The following PIK3C2B variants were observed in gnomAD, a reference collection of about 807,000 sequenced individuals.
PIK3C2B encodes the protein phosphatidylinositol-4-phosphate 3-kinase catalytic subunit type 2 beta.
In PIK3C2B, 83 loss-of-function variants were observed where a neutral mutation model predicts 184.3. The observed-to-expected ratio is 0.45, with a 90% CI of 0.38 to 0.54. The LOEUF is 0.54. Ranked by LOEUF, PIK3C2B falls within the 20% of genes least tolerant of loss-of-function variation. The pLI, the probability that PIK3C2B is intolerant of heterozygous loss-of-function variation, is 0.00. For missense variants in PIK3C2B, 1,736 were observed against 2,113.5 expected, an observed-to-expected ratio of 0.82 and a Z score of 3.50; for synonymous variants, 779 against 837.6, an observed-to-expected ratio of 0.93 and a Z score of 1.21.
chr1:204,451,411 G>A (rs1466291727), intron 12 of PIK3C2B, among the ~76,000 whole-genome samples: 1 of 152,082 alleles, frequency 6.6e-6, no homozygotes, highest in East Asian at 1.9e-4. Context: ...GGTATATCTG[G>A]TATTCCACAA....
At chr1:204,492,454 C>G (rs1334389999) in intron 1 of PIK3C2B, among the ~76,000 whole-genome samples, 1 of 152,144 alleles carries the variant, frequency 6.6e-6, no homozygotes, top group Non-Finnish European at 1.5e-5. Context: ...CTAAAAGGAA[C>G]AGAGACCTCA....
Position 204,444,399 on chromosome 1 carries a change from T to C in PIK3C2B, c.2704A>G (p.Met902Val). 2.5e-6 allele frequency: 4 copies of C among 1,613,804 alleles called. No homozygotes were observed. The highest frequency in any genetic ancestry group is 3.4e-6 in the Non-Finnish European group (4 of 1,179,910). Reference sequence around the variant, plus strand: ...AGTGAGCCAATCCACTGCACAGCCATACGACGCACCTCCTGGTCCGGGAAG... The same window carrying C: ...AGTGAGCCAATCCACTGCACAGCCACACGACGCACCTCCTGGTCCGGGAAG... ...ATFPDQEVRR[M>V]AVQWIGSLSD... Residue 902 changes from methionine to valine, a missense_variant, in exon 17 of 33, where the codon ATG becomes GTG. Transcript: ENST00000684373.
intron 31 of PIK3C2B, among the ~76,000 whole-genome samples, chr1:204,427,247 T>C (rs1330572092): frequency 6.6e-6 from 1 of 152,244 alleles, no homozygotes; most frequent in Non-Finnish European, 1.5e-5. Flanking sequence ...GGATGTCACG[T>C]GGCTGCTCAA....
At chr1:204,439,587 C>T (rs758557817) in intron 22 of PIK3C2B, among the ~76,000 whole-genome samples, 14 of 152,182 alleles carry the variant, frequency 9.2e-5, no homozygotes, top group Non-Finnish European at 1.8e-4. Flanking sequence ...TAATCTAACT[C>T]AATCTATATT....
intron 26 of PIK3C2B, among the ~76,000 whole-genome samples, chr1:204,432,902 A>C (rs1364254004): frequency 1.3e-5 from 2 of 152,234 alleles, no homozygotes; most frequent in African/African-American, 4.8e-5. Context: ...TTTCACACAC[A>C]GTGTACCTAA....
chr1:204,451,295 C>CA (rs1262233424), intron 12 of PIK3C2B, among the ~76,000 whole-genome samples: 2 of 152,218 alleles, frequency 1.3e-5, no homozygotes, highest in Non-Finnish European at 2.9e-5. Flanking sequence ...CCTTTCTTTT[C>CA]ACCCAAGGAA....
chr1:204,454,735 C>A lies in PIK3C2B; in HGVS notation c.2000G>T (p.Ser667Ile). 1 of 1,613,536 alleles carries A rather than the reference C, an allele frequency of 6.2e-7. No homozygotes were observed. The highest frequency in any genetic ancestry group is 8.5e-7 in the Non-Finnish European group (1 of 1,179,958). Residue 667 changes from serine (S) to isoleucine (I), a missense_variant, in exon 12 of 33, where the codon AGC becomes ATC. Around this residue, in one of 8 missense-constraint regions of PIK3C2B, gnomAD observed 609 missense variants for 699.2 expected, o/e 0.87. Transcript: ENST00000684373. ...GTGAGCTCTTCGGGTCTGCAGGGGG[C>A]TGCACAGCTCCTTGCCGCCATGGCT... The part of the protein sequence containing the change: ...SLSHGGKELC[S>I]PLQTRRAHFS...
At chr1:204,465,189 C>A in intron 3 of PIK3C2B, 30 bp downstream of exon 3, 1 of 1,180,980 alleles carries the variant, frequency 8.5e-7, no homozygotes, top group Non-Finnish European at 1.2e-6. Context: ...CATAGCCCTC[C>A]CAAATCCCAC....
rs61762611 is a variant in PIK3C2B, at chr1:204,450,849, G to A, written c.2067-832C>T. Among the ~76,000 whole-genome samples the A allele has an allele frequency of 4.1e-3, 619 of 152,294 alleles. 7 individuals carry two copies. The highest frequency in any genetic ancestry group is 0.014 in the African/African-American group (584 of 41,560). ...CTGTGGAAAGGCAGGGAGGACCCAC[G>A]TTACCTTTCGGGGAAGCTGTCCCTG... On this transcript the variant is annotated intron_variant, in intron 12 of 32. Coordinates refer to ENST00000684373, the MANE Select transcript of PIK3C2B (RefSeq NM_001377334.1).
chr1:204,461,355 G>A (rs765465940), intron 5 of PIK3C2B, among the ~76,000 whole-genome samples: 1 of 152,284 alleles, frequency 6.6e-6, no homozygotes, highest in East Asian at 1.9e-4. Context: ...AGCCCTCGGC[G>A]ATCCAACCTC....
intron 1 of PIK3C2B, chr1:204,489,781 C>G (rs2103541926): frequency 2.5e-6 from 1 of 397,000 alleles, no homozygotes; most frequent in Non-Finnish European, 4.4e-6. Flanking sequence ...CTGGGCTTTG[C>G]TTAGTTTATT....
chr1:204,448,214 A>G (rs1654038232), intron 14 of PIK3C2B, among the ~76,000 whole-genome samples: 2 of 151,962 alleles, frequency 1.3e-5, no homozygotes, highest in Non-Finnish European at 1.5e-5. Context: ...CCCCGGTTCA[A>G]GTGGTTCTCA....
At chr1:204,477,279 C>CA (rs894417859) in intron 1 of PIK3C2B, among the ~76,000 whole-genome samples, 2 of 152,180 alleles carry the variant, frequency 1.3e-5, no homozygotes, top group African/African-American at 4.8e-5. Flanking sequence ...CTGGATGCTT[C>CA]AGTAGCCCCT....
At chr1:204,473,684 T>C (rs1656475489) in intron 1 of PIK3C2B, among the ~76,000 whole-genome samples, 3 of 152,216 alleles carry the variant, frequency 2.0e-5, no homozygotes, top group African/African-American at 4.8e-5. Flanking sequence ...TTCAGGCCAT[T>C]GGAAATAATC....
At chr1:204,482,800 A>C (rs1657277418) in intron 1 of PIK3C2B, among the ~76,000 whole-genome samples, 1 of 152,070 alleles carries the variant, frequency 6.6e-6, no homozygotes, top group Non-Finnish European at 1.5e-5. Context: ...GATATTCTCC[A>C]AGATGCCTGT....
chr1:204,447,316 T>C lies in PIK3C2B; in HGVS notation c.2489+120A>G. 5 of 956,348 alleles carry C rather than the reference T, an allele frequency of 5.2e-6. No homozygotes were observed. The highest frequency in any genetic ancestry group is 7.9e-6 in the Non-Finnish European group (5 of 632,788). 59.2% of individuals were successfully genotyped at this position (956,348 alleles called of 1,614,324 possible). A position where few individuals can be genotyped will look rare whatever the true frequency, so the allele number is the denominator to read the frequency against. On this transcript the variant is annotated intron_variant, in intron 15 of 32. Transcript: ENST00000684373. This position sits in a 1 kb window ranked among gnomAD's most constrained non-coding sequence, Gnocchi z 4.1. ...AGAAAGGCCTGGGGGCTGCCTCCAC[T>C]TCCTGCTGAGATGGCAATGCCCACC...
At chr1:204,472,273 C>T (rs554080259) in intron 1 of PIK3C2B, among the ~76,000 whole-genome samples, 228 of 151,724 alleles carry the variant, frequency 1.5e-3, no homozygotes, top group Middle Eastern at 3.4e-3. Context: ...ATGCCATTCT[C>T]CTGCCTCAGC....
Position 204,443,565 on chromosome 1 carries a change from A to G in PIK3C2B, c.2900T>C (p.Phe967Ser), listed in dbSNP as rs1010956192. 2 of 1,614,250 alleles carry G rather than the reference A, an allele frequency of 1.2e-6. No homozygotes were observed. Among genetic ancestry groups the G allele is most frequent in the African/African-American group, 2.7e-5 (2 of 75,058 alleles). ...LLKDGLKDSQFSIRYQYLLAA... is the reference protein window; with the variant it reads ...LLKDGLKDSQSSIRYQYLLAA... ...CAGCAGATACTGGTAGCGGATGCTG[A>G]ACTGAGAGTCCTTGAGGCCGTCCTT... Residue 967 changes from phenylalanine to serine, a missense_variant, in exon 19 of 33, where the codon TTC becomes TCC. Phe to Ser is a radical substitution (Grantham distance 155, BLOSUM62 -2). This residue lies in a region of PIK3C2B where 289 missense variants were observed against 380.4 expected (regional missense o/e 0.76). Transcript: ENST00000684373.
At position 204,457,071 on chromosome 1, in the gene PIK3C2B, C is replaced by A; in HGVS notation, c.1714-1G>T. ...CCCTCACAGCCAAGACACTGGGATC[C>A]TGTTGGGAAAAAGAAGAGGGAGGGG... On this transcript the variant is annotated splice_acceptor_variant, in intron 9 of 32. Coordinates refer to ENST00000684373, the MANE Select transcript of PIK3C2B (RefSeq NM_001377334.1). LOFTEE classifies it high-confidence loss of function. 1 of 1,562,462 alleles carries A rather than the reference C, an allele frequency of 6.4e-7. No homozygotes were observed. The highest frequency in any genetic ancestry group is 8.7e-7 in the Non-Finnish European group (1 of 1,152,064).
Sources: gnomAD v4.1 joint callset for allele counts (sites outside exome capture counted in the v4.1 genomes callset) on GRCh38, gnomAD v4.1.1 for gene constraint, gnomAD v4.1.1 regional missense constraint, Gnocchi (gnomAD v3.1) non-coding constraint, MANE v1.5 for transcripts, NCBI Gene and HGNC (gene_info 2026-07-23, HGNC 2026-07-21) for gene names.